The following ZC3H8 variants were observed in gnomAD, a reference collection of about 807,000 sequenced individuals.
ZC3H8 encodes zinc finger CCCH-type containing 8.
ZC3H8 carries 27 observed loss-of-function variants against 42.5 expected under a neutral mutation model. The ratio of observed to expected loss-of-function variants is 0.64; its 90% CI spans 0.47 to 0.88. The LOEUF is 0.88. Ranked by LOEUF, ZC3H8 falls within the 40% of genes least tolerant of loss-of-function variation. ZC3H8 has a pLI of 0.00. For missense variants in ZC3H8, 277 were observed against 336.1 expected, an observed-to-expected ratio of 0.82 and a Z score of 1.37; for synonymous variants, 101 against 110.1, an observed-to-expected ratio of 0.92 and a Z score of 0.52.
intron 8 of ZC3H8, among the ~76,000 whole-genome samples, chr2:112,224,503 T>C (rs1437267733): frequency 2.0e-5 from 3 of 152,318 alleles, no homozygotes; most frequent in Non-Finnish European, 4.4e-5. Flanking sequence ...AGGACAAAAA[T>C]ACACTATCAT....
intron 2 of ZC3H8, chr2:112,240,442 A>G (rs751478755): frequency 2.6e-5 from 4 of 152,356 alleles, no homozygotes; most frequent in Non-Finnish European, 4.4e-5. Flanking sequence ...AGCAGCTCCT[A>G]TGAAGTTTAG....
At chr2:112,247,758 T>C (rs188019760) in intron 2 of ZC3H8, among the ~76,000 whole-genome samples, 1 of 152,340 alleles carries the variant, frequency 6.6e-6, no homozygotes, top group African/African-American at 2.4e-5. Context: ...TAGAATGTTG[T>C]TTCTGCCTGT....
intron 4 of ZC3H8, among the ~76,000 whole-genome samples, chr2:112,235,936 TA>T (rs11370016): frequency 2.0e-4 from 25 of 122,570 alleles, no homozygotes; most frequent in African/African-American, 1.9e-4. Flanking sequence ...AGTATAACAC[TA>T]AAAAAAAAAA....
At chr2:112,236,774 C>T (rs1685354588) in intron 3 of ZC3H8, 79 bp from the exon 4 acceptor site, 1 of 1,285,976 alleles carries the variant, frequency 7.8e-7, no homozygotes. Flanking sequence ...GGGCCAGGTG[C>T]AGTGGCTCAT....
At chr2:112,226,531 G>A (rs538018030) in intron 8 of ZC3H8, among the ~76,000 whole-genome samples, 35 of 135,608 alleles carry the variant, frequency 2.6e-4, no homozygotes, top group Non-Finnish European at 4.6e-4. Context: ...GGAGTTTGCA[G>A]TGAGCCAAGA....
intron 1 of ZC3H8, among the ~76,000 whole-genome samples, chr2:112,253,090 C>T (rs1290632488): frequency 6.6e-5 from 10 of 151,840 alleles, no homozygotes; most frequent in African/African-American, 1.2e-4. Flanking sequence ...GCCGAGATCG[C>T]GCCACTGCAC....
intron 8 of ZC3H8, among the ~76,000 whole-genome samples, chr2:112,228,719 TAGAAG>T (rs992302076): frequency 6.6e-6 from 1 of 151,920 alleles, no homozygotes; most frequent in Non-Finnish European, 1.5e-5. Context: ...GCATGATCCA[TAGAAG>T]AGAAAACTGA....
In ZC3H8 at chr2:112,234,175, A is replaced by C; in HGVS notation, c.566T>G (p.Val189Gly). ...LSQAFINQHT[V>G]ERKGKQICKY... ...ACAAATTTGTTTTCCCTTGCGTTCC[A>C]CTGTATGTTGGTTGATGAATGCCTG... The change falls in exon 5 of 9, where the codon GTG becomes GGG. Residue 189 changes from valine (V) to glycine (G), a missense_variant. Physicochemically the swap from Val to Gly is moderately radical, Grantham distance 109. Coordinates refer to ENST00000409573, the MANE Select transcript of ZC3H8 (RefSeq NM_032494.3). 6 of 1,610,402 alleles carry C rather than the reference A, an allele frequency of 3.7e-6. No individual in the cohort carries two copies. The highest frequency in any genetic ancestry group is 5.1e-6 in the Non-Finnish European group (6 of 1,178,622).
At chr2:112,226,497 G>A (rs559575748) in intron 8 of ZC3H8, among the ~76,000 whole-genome samples, 103 of 149,898 alleles carry the variant, frequency 6.9e-4, no homozygotes, top group African/African-American at 2.2e-3. Context: ...GCTGAGGCAG[G>A]AGAATGGTGT....
chr2:112,236,823 G>T (rs1019398335), intron 3 of ZC3H8, 128 bp from the exon 4 acceptor site: 112 of 875,016 alleles, frequency 1.3e-4, no homozygotes, highest in Non-Finnish European at 1.8e-4. Context: ...GAGGCAGGAG[G>T]ACTGCTCAAA....
At chr2:112,220,875 G>A (rs1684553622) in intron 8 of ZC3H8, among the ~76,000 whole-genome samples, 1 of 152,158 alleles carries the variant, frequency 6.6e-6, no homozygotes, top group Non-Finnish European at 1.5e-5. Flanking sequence ...CTCTCCAGCT[G>A]CCCTTAACCG....
At chr2:112,219,319 C>T (rs1684482999) in intron 8 of ZC3H8, among the ~76,000 whole-genome samples, 1 of 152,098 alleles carries the variant, frequency 6.6e-6, no homozygotes, top group Non-Finnish European at 1.5e-5. Flanking sequence ...AGTACCAAGA[C>T]CATTCAATGA....
At chr2:112,228,394 C>T (rs1160931176) in intron 8 of ZC3H8, among the ~76,000 whole-genome samples, 2 of 151,480 alleles carry the variant, frequency 1.3e-5, no homozygotes, top group Non-Finnish European at 1.5e-5. Flanking sequence ...TCCAGCTACT[C>T]GGGATGCTGA....
intron 2 of ZC3H8, among the ~76,000 whole-genome samples, chr2:112,248,313 CAGAAAGAAAAGAAAGAA>C (rs950530640): frequency 9.4e-6 from 1 of 106,074 alleles, no homozygotes; most frequent in African/African-American, 3.9e-5. Flanking sequence ...GCAACAGAGA[CAGAAAGAAAAGAAAGAA>C]AGAAAGAAAA....
At chr2:112,240,889 T>C (rs1685546383) in intron 2 of ZC3H8, among the ~76,000 whole-genome samples, 1 of 152,050 alleles carries the variant, frequency 6.6e-6, no homozygotes, top group African/African-American at 2.4e-5. Flanking sequence ...ACTTTTTTTA[T>C]TCAAGATGGT....
At chr2:112,250,024 TG>T (rs1207564406) in intron 2 of ZC3H8, 166 bp downstream of exon 2, 6 of 443,194 alleles carry the variant, frequency 1.4e-5, no homozygotes, top group Middle Eastern at 5.7e-4. Context: ...CAGTTTTCTT[TG>T]ATATAAGTAA....
At chr2:112,232,165 A>T (rs1469462109) in intron 6 of ZC3H8, among the ~76,000 whole-genome samples, 2 of 152,166 alleles carry the variant, frequency 1.3e-5, no homozygotes, top group Non-Finnish European at 2.9e-5. Context: ...CAAAAAAATT[A>T]GCTGGGCATG....
chr2:112,234,450 A>G lies in ZC3H8; in HGVS notation c.505-214T>C, dbSNP rs776064196. 3.4e-4 allele frequency among the ~76,000 whole-genome samples: 51 copies of G among 152,190 alleles called. 3 individuals carry two copies. Among genetic ancestry groups the G allele is most frequent in the Non-Finnish European group, 1.5e-4 (10 of 68,036 alleles). The stretch of plus-strand genomic sequence containing the variant: ...TCCATCATTGAATATTAATGTTTGT[A>G]TTGATTTGAATATTTTATGATACAT... On this transcript the variant is annotated intron_variant, in intron 4 of 8. Transcript: ENST00000409573.
chr2:112,230,639 G>T (rs1685047527), intron 8 of ZC3H8: 1 of 188,432 alleles, frequency 5.3e-6, no homozygotes, highest in Non-Finnish European at 1.1e-5. Context: ...TAAATATATT[G>T]TTTTGTGAAT....
Sources: allele counts gnomAD v4.1 joint callset (sites outside exome capture counted in the v4.1 genomes callset), GRCh38; gene constraint gnomAD v4.1.1; transcripts MANE v1.5; gene names NCBI Gene and HGNC (gene_info 2026-07-23, HGNC 2026-07-21).